Variants in KDM1B observed in about 807,000 individuals in gnomAD.
The protein encoded by KDM1B is lysine demethylase 1B.
Under a neutral mutation model 107.4 loss-of-function variants are expected in KDM1B, and 63 were observed. The ratio of observed to expected loss-of-function variants is 0.59; its 90% CI spans 0.48 to 0.72. The LOEUF is 0.72. Among genes scored for constraint, KDM1B ranks in the 30% least tolerant of loss-of-function variants. The pLI, the probability that KDM1B is intolerant of heterozygous loss-of-function variation, is 0.00. For missense variants in KDM1B, 749 were observed against 1,020.8 expected (o/e 0.73, Z 3.63); for synonymous variants, 363 against 363.9 (o/e 1.00, Z 0.03).
In KDM1B at chr6:18,203,982, G is replaced by A. The variant is rs1038028039; in HGVS notation, c.1532-1555G>A. On this transcript the variant is annotated intron_variant, in intron 14 of 21. Transcript: ENST00000650836. The surrounding 1 kb of genome is among the most constrained non-coding windows in gnomAD (Gnocchi z 5.5). ...ATGTAGAAACTGCACAGCAGGAAGC[G>A]GGGATGGGACTTCTACAAAAGTCAC... Among the ~76,000 whole-genome samples the A allele has an allele frequency of 5.3e-5, 8 of 152,142 alleles. No homozygotes were observed. The highest frequency in any genetic ancestry group is 9.7e-5 in the African/African-American group (4 of 41,418).
intron 6 of KDM1B, among the ~76,000 whole-genome samples, chr6:18,166,596 G>C (rs1050571914): frequency 1.3e-5 from 2 of 152,136 alleles, no homozygotes; most frequent in Non-Finnish European, 2.9e-5. Context: ...TGTAATCCTA[G>C]CCCTTTGGTA....
rs1334454102 is a variant in KDM1B, at chr6:18,179,658, T to TA, written c.535-6111dup. Among the ~76,000 whole-genome samples the TA allele has an allele frequency of 2.0e-5, 3 of 152,080 alleles. No homozygotes were observed. The East Asian group carries it at 5.8e-4, about 29-fold the overall frequency. On this transcript the variant is annotated intron_variant, in intron 7 of 21. Coordinates refer to ENST00000650836, the MANE Select transcript of KDM1B (RefSeq NM_001364614.2). ...CATCTATGTTGTCACATTTTTAACT[T>TA]AAAGTTGTTTGTACTGTTCCCTTGT... is the stretch of plus-strand genomic sequence containing the variant.
chr6:18,165,084 A>T lies in KDM1B; in HGVS notation c.306-1183A>T, dbSNP rs180772900. 1.1e-3 allele frequency among the ~76,000 whole-genome samples: 166 copies of T among 149,104 alleles called. 1 individual carries two copies. The highest frequency in any genetic ancestry group is 3.8e-3 in the African/African-American group (154 of 40,480). On this transcript the variant is annotated intron_variant, in intron 5 of 21. Coordinates refer to ENST00000650836, the MANE Select transcript of KDM1B (RefSeq NM_001364614.2). ...TAAAATATCTTGCTAGCTGTTTTCC[A>T]TATGGTGCATTTTATTCTTTTTCCC...
intron 6 of KDM1B, among the ~76,000 whole-genome samples, chr6:18,168,116 A>T (rs1271043273): frequency 6.6e-6 from 1 of 152,204 alleles, no homozygotes; most frequent in Non-Finnish European, 1.5e-5. Flanking sequence ...ACGCTTAAAG[A>T]TTTTTTCATT....
At chr6:18,171,036 G>A (rs1043525124) in intron 6 of KDM1B, among the ~76,000 whole-genome samples, 5 of 151,960 alleles carry the variant, frequency 3.3e-5, no homozygotes, top group Admixed American at 1.3e-4. Context: ...TAGCCAGGAT[G>A]GTCTGGATTT....
rs936616226 is a variant in KDM1B, at chr6:18,222,581, G to T, written c.*589G>T. 1.7e-4 allele frequency: 27 copies of T among 163,094 alleles called. No homozygotes were observed. The highest frequency in any genetic ancestry group is 3.3e-4 in the Non-Finnish European group (25 of 74,946). 10.1% of individuals were successfully genotyped at this position (163,094 alleles called of 1,614,324 possible). ...TATTGTACATATTTCCTCCTACTGG[G>T]TGTTCAAAAGAAATTTAAATTCAAG... On this transcript the variant is annotated 3_prime_UTR_variant, in exon 22 of 22. Transcript: ENST00000650836.
At chr6:18,221,566 T>C (rs1229062438) in intron 21 of KDM1B, among the ~76,000 whole-genome samples, 1 of 152,244 alleles carries the variant, frequency 6.6e-6, no homozygotes, top group Non-Finnish European at 1.5e-5. Flanking sequence ...TGAACTGCCA[T>C]TCATCTTTTG....
chr6:18,178,585 G>C (rs1314002609), intron 7 of KDM1B, among the ~76,000 whole-genome samples: 1 of 151,448 alleles, frequency 6.6e-6, no homozygotes, highest in African/African-American at 2.4e-5. Flanking sequence ...TAGAGACAGG[G>C]CTTCCCCATG....
chr6:18,207,672 C>T, intron 16 of KDM1B, 143 bp downstream of exon 16: 1 of 941,794 alleles, frequency 1.1e-6, no homozygotes, highest in Non-Finnish European at 1.6e-6. Context: ...CATTCGTAGC[C>T]TGTGTAGCAT....
rs112490530 is a variant in KDM1B, at chr6:18,198,986, T to C, written c.1221+1325T>C. On this transcript the variant is annotated intron_variant, in intron 12 of 21. Transcript: ENST00000650836. Reference sequence around the variant, plus strand: ...GAGTTTGAGATCAGCCTGGGCAACATGGCAAAACCCTGTCTCTACCAGAAA... The same window carrying C: ...GAGTTTGAGATCAGCCTGGGCAACACGGCAAAACCCTGTCTCTACCAGAAA... 9.5e-3 allele frequency among the ~76,000 whole-genome samples: 983 copies of C among 103,824 alleles called. 10 individuals carry two copies. The highest frequency in any genetic ancestry group is 0.036 in the African/African-American group (936 of 26,102). 68.1% of individuals were successfully genotyped at this position (103,824 alleles called of 152,430 possible). A position where few individuals can be genotyped will look rare whatever the true frequency, so the allele number is the denominator to read the frequency against.
chr6:18,219,341 A>G (rs1421307815), intron 21 of KDM1B, among the ~76,000 whole-genome samples: 3 of 152,172 alleles, frequency 2.0e-5, no homozygotes, highest in Admixed American at 2.0e-4. Flanking sequence ...TGCTAAAATA[A>G]AGATGAGTTT....
rs1561964526 is a variant in KDM1B, at chr6:18,222,183, C to T, written c.*191C>T. On this transcript the variant is annotated 3_prime_UTR_variant, in exon 22 of 22. Transcript: ENST00000650836. ...CTGACCTCAAAAAACCTTATAAGCA[C>T]TTAGATTTAATTGCATTTTCCATAG... The T allele has an allele frequency of 1.4e-6, 1 of 690,388 alleles. No individual in the cohort carries two copies. The allele number at this position is 690,388 out of a possible 1,614,324, so 42.8% of individuals were successfully genotyped here.
intron 2 of KDM1B, among the ~76,000 whole-genome samples, chr6:18,156,503 C>G (rs1784618236): frequency 1.3e-5 from 2 of 152,050 alleles, no homozygotes; most frequent in African/African-American, 4.8e-5. Context: ...GGCAGAAAGG[C>G]GAGTGGGAGA....
chr6:18,173,021 T>A (rs997623702), intron 7 of KDM1B, among the ~76,000 whole-genome samples: 1 of 148,002 alleles, frequency 6.8e-6, no homozygotes, highest in Non-Finnish European at 1.5e-5. Flanking sequence ...ACCCGGGAGG[T>A]GGAGGTTGCA....
At chr6:18,164,690 C>G (rs1785179793) in intron 5 of KDM1B, among the ~76,000 whole-genome samples, 1 of 151,896 alleles carries the variant, frequency 6.6e-6, no homozygotes, top group Non-Finnish European at 1.5e-5. Context: ...CAGGGTCTTG[C>G]TCTGGAGTGC....
At chr6:18,195,096 A>G (rs1226278458) in intron 10 of KDM1B, among the ~76,000 whole-genome samples, 1 of 152,162 alleles carries the variant, frequency 6.6e-6, no homozygotes, top group Admixed American at 6.6e-5. Context: ...TTCAAGGTTT[A>G]TCCATGTTGT....
rs1789091426 is a variant in KDM1B, at chr6:18,214,696, G to A, written c.2110-311G>A. On this transcript the variant is annotated intron_variant, in intron 19 of 21. Transcript: ENST00000650836. This position sits in a 1 kb window ranked among gnomAD's most constrained non-coding sequence, Gnocchi z 4.4. ...AGGCCGAGGTGGGTGGATCACCTGA[G>A]GTCAGGAGTTTGAGACCAGTCTGGC... 6.6e-6 allele frequency among the ~76,000 whole-genome samples: 1 copy of A among 152,150 alleles called. No homozygotes were observed. The highest frequency in any genetic ancestry group is 1.5e-5 in the Non-Finnish European group (1 of 68,032).
At chr6:18,174,129 AAGT>A (rs1350135080) in intron 7 of KDM1B, among the ~76,000 whole-genome samples, 1 of 152,196 alleles carries the variant, frequency 6.6e-6, no homozygotes, top group African/African-American at 2.4e-5. Context: ...GTATGTGTGT[AAGT>A]CTGTTTCTGG....
At chr6:18,176,002 A>G (rs1245309860) in intron 7 of KDM1B, among the ~76,000 whole-genome samples, 3 of 152,114 alleles carry the variant, frequency 2.0e-5, no homozygotes, top group Non-Finnish European at 2.9e-5. Context: ...TATGTGATGA[A>G]TGATAGTAGT....
Sources: gnomAD v4.1 joint callset for allele counts (sites outside exome capture counted in the v4.1 genomes callset) on GRCh38, gnomAD v4.1.1 for gene constraint, Gnocchi (gnomAD v3.1) non-coding constraint, MANE v1.5 for transcripts, NCBI Gene and HGNC (gene_info 2026-07-23, HGNC 2026-07-21) for gene names.